The following HIVEP3 variants were observed in gnomAD, a reference collection of about 807,000 sequenced individuals.
HIVEP3 encodes HIVEP zinc finger 3.
Under a neutral mutation model 152.8 loss-of-function variants are expected in HIVEP3, and 49 were observed. The observed-to-expected ratio is 0.32, with a 90% CI of 0.26 to 0.41. HIVEP3 has a LOEUF of 0.41. Ranked by LOEUF, HIVEP3 falls within the 10% of genes least tolerant of loss-of-function variation. The probability of loss-of-function intolerance (pLI) is 1.00; values close to 1 mark genes in which losing one functional copy is unlikely to be tolerated. For synonymous variants in HIVEP3, 1,269 were observed against 1,289.0 expected (o/e 0.98, Z 0.33); for missense variants, 2,790 against 3,103.3 (o/e 0.90, Z 2.40).
intron 1 of HIVEP3, among the ~76,000 whole-genome samples, chr1:41,716,971 A>G (rs1259029164): frequency 1.3e-5 from 2 of 152,222 alleles, no homozygotes; most frequent in African/African-American, 4.8e-5. Flanking sequence ...GAAGACGAGT[A>G]TGTTTACTCA....
At chr1:41,660,013 C>T (rs1206769685) in intron 2 of HIVEP3, among the ~76,000 whole-genome samples, 1 of 152,150 alleles carries the variant, frequency 6.6e-6, no homozygotes, top group Non-Finnish European at 1.5e-5. Flanking sequence ...TACAGGATCG[C>T]ATAAGTGAGA....
At chr1:41,681,623 G>A (rs979872761) in intron 2 of HIVEP3, among the ~76,000 whole-genome samples, 3 of 152,184 alleles carry the variant, frequency 2.0e-5, no homozygotes, top group African/African-American at 7.2e-5. Context: ...CAGCTCTCGG[G>A]GCACACATCC....
intron 1 of HIVEP3, among the ~76,000 whole-genome samples, chr1:42,035,100 T>C (rs1645633629): frequency 6.6e-6 from 1 of 152,226 alleles, no homozygotes; most frequent in Non-Finnish European, 1.5e-5. Context: ...GGAAAGCAAC[T>C]CACCAATACA....
Position 41,584,737 on chromosome 1 carries a change from G to T in HIVEP3, c.61C>A (p.Leu21Met), listed in dbSNP as rs1310947138. 1 of 1,525,456 alleles carries T rather than the reference G, an allele frequency of 6.6e-7. No individual in the cohort carries two copies. The highest frequency in any genetic ancestry group is 1.3e-5 in the South Asian group (1 of 75,526). The allele number at this position is 1,525,456 out of a possible 1,614,324, so 94.5% of individuals were successfully genotyped here. Residue 21 changes from leucine to methionine, a missense_variant, in exon 4 of 9, where the codon CTG (leucine) becomes ATG (methionine). This residue lies in a region of HIVEP3 where 209 missense variants were observed against 237.0 expected (regional missense o/e 0.88). Coordinates refer to ENST00000372583, the MANE Select transcript of HIVEP3 (RefSeq NM_024503.5). The surrounding 1 kb of genome is among the most constrained non-coding windows in gnomAD (Gnocchi z 5.2). ...GTCTGAATGGCCTCTCCTTTGGTCAGCCGCTTCCGGGGACTTCCCTCAGCC... is the reference window on the plus strand; with the variant it reads ...GTCTGAATGGCCTCTCCTTTGGTCATCCGCTTCCGGGGACTTCCCTCAGCC... ...KKAEGSPRKR[L>M]TKGEAIQTSV...
At chr1:41,671,943 G>C (rs1645883702) in intron 2 of HIVEP3, among the ~76,000 whole-genome samples, 1 of 152,224 alleles carries the variant, frequency 6.6e-6, no homozygotes. Context: ...TGGCCTGAAG[G>C]GAGGGAGAAG....
Position 41,581,291 on chromosome 1 carries a change from G to A in HIVEP3, c.3507C>T (p.Ser1169=). 1 of 1,611,474 alleles carries A rather than the reference G, an allele frequency of 6.2e-7. No homozygotes were observed. Among genetic ancestry groups the A allele is most frequent in the Non-Finnish European group, 8.5e-7 (1 of 1,178,838 alleles). ...TGGAGTATGGTGAGGACAGGAGGCTGGACATGGCCTGGGTGGAGAAGAATT... is the reference window on the plus strand; with the variant it reads ...TGGAGTATGGTGAGGACAGGAGGCTAGACATGGCCTGGGTGGAGAAGAATT... The part of the protein sequence containing the change: ...SPEFFSTQAM[S]SLLSSPYSMP... The change falls in exon 4 of 9, where the codon TCC becomes TCT. Residue 1169 remains serine, a synonymous_variant. Transcript: ENST00000372583. The surrounding 1 kb of genome is among the most constrained non-coding windows in gnomAD (Gnocchi z 4.5).
chr1:41,725,832 A>T (rs1010574323), intron 1 of HIVEP3, among the ~76,000 whole-genome samples: 1 of 152,248 alleles, frequency 6.6e-6, no homozygotes, highest in Non-Finnish European at 1.5e-5. Flanking sequence ...TTTAAGACCC[A>T]AGCTGCATTA....
At chr1:41,724,856 T>G (rs1646729854) in intron 1 of HIVEP3, among the ~76,000 whole-genome samples, 1 of 152,170 alleles carries the variant, frequency 6.6e-6, no homozygotes, top group Admixed American at 6.5e-5. Flanking sequence ...AAGGCTGAGG[T>G]GAGAGTCCGG....
At chr1:42,021,481 G>A (rs1037909891) in intron 1 of HIVEP3, among the ~76,000 whole-genome samples, 2 of 152,118 alleles carry the variant, frequency 1.3e-5, no homozygotes, top group African/African-American at 4.8e-5. Flanking sequence ...GTAAGGGGGG[G>A]TTGGGAGTCA....
At chr1:41,770,714 C>A (rs1002088010) in intron 1 of HIVEP3, among the ~76,000 whole-genome samples, 9 of 152,098 alleles carry the variant, frequency 5.9e-5, no homozygotes, top group Non-Finnish European at 1.0e-4. Context: ...CCAAAAGTGT[C>A]AAGGTCATGA....
intron 1 of HIVEP3, among the ~76,000 whole-genome samples, chr1:41,887,617 TAAACTGGATACC>T: frequency 6.6e-6 from 1 of 152,296 alleles, no homozygotes. Context: ...GATGAATTTG[TAAACTGGATACC>T]ATCACTGCAG....
chr1:41,585,480 G>A (rs757339026), intron 3 of HIVEP3, among the ~76,000 whole-genome samples, 162 bp from the exon 4 acceptor site: 2 of 152,166 alleles, frequency 1.3e-5, no homozygotes, highest in Admixed American at 1.3e-4. Flanking sequence ...CACAGGCTCC[G>A]GCTCCACATG....
chr1:41,792,107 T>C (rs1018590417), intron 1 of HIVEP3, among the ~76,000 whole-genome samples: 1 of 152,200 alleles, frequency 6.6e-6, no homozygotes, highest in African/African-American at 2.4e-5. Context: ...CATCATTTAG[T>C]CATCCACCTG....
At chr1:41,888,304 G>A (rs967048039) in intron 1 of HIVEP3, among the ~76,000 whole-genome samples, 3 of 146,138 alleles carry the variant, frequency 2.1e-5, no homozygotes, top group Non-Finnish European at 4.5e-5. Flanking sequence ...TGCCCACCTT[G>A]GCCTCCCAAA....
intron 1 of HIVEP3, among the ~76,000 whole-genome samples, chr1:41,964,614 G>A (rs999720618): frequency 3.9e-5 from 6 of 152,154 alleles, no homozygotes; most frequent in Non-Finnish European, 8.8e-5. Flanking sequence ...AGTTTGGACC[G>A]GGAGGAATTC....
At chr1:41,716,067 C>T (rs1646588263) in intron 1 of HIVEP3, among the ~76,000 whole-genome samples, 2 of 152,174 alleles carry the variant, frequency 1.3e-5, no homozygotes, top group African/African-American at 4.8e-5. Flanking sequence ...GAAGCACACT[C>T]CATGTGGAGG....
chr1:41,645,429 T>C (rs767322387), intron 2 of HIVEP3, among the ~76,000 whole-genome samples: 3 of 152,194 alleles, frequency 2.0e-5, no homozygotes, highest in Non-Finnish European at 4.4e-5. Context: ...GTACTGTTAC[T>C]TTAAGAACAT....
chr1:41,611,686 G>A (rs1051828895), intron 3 of HIVEP3, among the ~76,000 whole-genome samples: 47 of 152,348 alleles, frequency 3.1e-4, no homozygotes, highest in African/African-American at 1.1e-3. Context: ...GGGAAAACTC[G>A]AATGTTGTTC....
At chr1:42,011,106 A>G (rs1401340653) in intron 1 of HIVEP3, among the ~76,000 whole-genome samples, 1 of 152,156 alleles carries the variant, frequency 6.6e-6, no homozygotes, top group Non-Finnish European at 1.5e-5. Flanking sequence ...AGTTGTCACA[A>G]ATTTTTTTTT....
Sources: gnomAD v4.1 joint callset for allele counts (sites outside exome capture counted in the v4.1 genomes callset) on GRCh38, gnomAD v4.1.1 for gene constraint, gnomAD v4.1.1 regional missense constraint, Gnocchi (gnomAD v3.1) non-coding constraint, MANE v1.5 for transcripts, NCBI Gene and HGNC (gene_info 2026-07-23, HGNC 2026-07-21) for gene names.